ZNF536: variants seen among roughly 807,000 people sequenced by gnomAD.
The protein encoded by ZNF536 is zinc finger protein 536.
Under a neutral mutation model 84.5 loss-of-function variants are expected in ZNF536, and 13 were observed. That is an observed-to-expected ratio of 0.15 (90% CI 0.10 to 0.24). The LOEUF (loss-of-function observed/expected upper bound fraction) is 0.24, where lower values mean the gene tolerates loss of function less well. ZNF536 is among the 10% of genes least tolerant of loss of function. The pLI is 1.00. For missense variants in ZNF536, 1,536 were observed against 1,747.5 expected (o/e 0.88, Z 2.16); for synonymous variants, 811 against 742.5 (o/e 1.09, Z -1.50).
intron 2 of ZNF536, among the ~76,000 whole-genome samples, chr19:30,462,952 C>A (rs1241515635): frequency 2.7e-5 from 2 of 73,762 alleles, no homozygotes; most frequent in Non-Finnish European, 5.4e-5. Flanking sequence ...CTGGGATGGG[C>A]GTATCCGTAT....
intron 2 of ZNF536, among the ~76,000 whole-genome samples, chr19:30,494,645 A>G (rs2145175705): frequency 6.6e-6 from 1 of 152,146 alleles, no homozygotes; most frequent in African/African-American, 2.4e-5. Context: ...CTCCAAATTA[A>G]TGTCCGGGGC....
chr19:30,227,323 A>G (rs1237889830), upstream of ZNF536, among the ~76,000 whole-genome samples: 1 of 151,900 alleles, frequency 6.6e-6, no homozygotes, highest in Non-Finnish European at 1.5e-5. Context: ...GTTGGAGAAC[A>G]TGTCCACCGT....
chr19:30,518,886 G>C (rs946669185), intron 2 of ZNF536, among the ~76,000 whole-genome samples: 2 of 152,168 alleles, frequency 1.3e-5, no homozygotes, highest in Non-Finnish European at 2.9e-5. Context: ...GGATGGGGGA[G>C]CTATGGGAGA....
At chr19:30,551,023 C>T (rs1336700875) in intron 4 of ZNF536, among the ~76,000 whole-genome samples, 5 of 145,868 alleles carry the variant, frequency 3.4e-5, no homozygotes, top group South Asian at 2.2e-4. Flanking sequence ...ATTTTTTCCC[C>T]TTTTTTTTTT....
At chr19:30,455,803 A>T (rs1255614697) in intron 2 of ZNF536, among the ~76,000 whole-genome samples, 1 of 152,202 alleles carries the variant, frequency 6.6e-6, no homozygotes, top group Non-Finnish European at 1.5e-5. Flanking sequence ...CACCCTACTG[A>T]TCTATCAAAC....
chr19:30,233,305 G>A (rs1599822043), intron 1 of ZNF536, among the ~76,000 whole-genome samples: 1 of 152,136 alleles, frequency 6.6e-6, no homozygotes, highest in African/African-American at 2.4e-5. Flanking sequence ...TGAGTGAGTT[G>A]AGGCTGGGCA....
intron 1 of ZNF536, among the ~76,000 whole-genome samples, chr19:30,245,797 G>A (rs1012262896): frequency 3.3e-5 from 5 of 152,328 alleles, no homozygotes; most frequent in South Asian, 2.1e-4. Flanking sequence ...TTTTGGCCTC[G>A]GGGGCCTTTT....
At position 30,623,472 on chromosome 19, in the gene ZNF536, G is replaced by A. The variant is rs559837619; in HGVS notation, c.169+73958G>A. ...GCTTGCCACTATGCCCTGGCTTTGA[G>A]TCTTGCTATCTCTTGGCTCTCTGCC... On this transcript the variant is annotated intron_variant, in intron 1 of 1. Transcript: ENST00000592773. 1.8e-4 allele frequency among the ~76,000 whole-genome samples: 28 copies of A among 152,370 alleles called. No homozygotes were observed. In the South Asian group the frequency reaches 5.8e-3, roughly 32 times the overall value.
chr19:30,500,675 A>G (rs2054912774), intron 2 of ZNF536, among the ~76,000 whole-genome samples: 1 of 151,094 alleles, frequency 6.6e-6, no homozygotes, highest in Non-Finnish European at 1.5e-5. Flanking sequence ...TCTCAGCAGG[A>G]GGCTGTGGGA....
At chr19:30,626,074 C>G (rs927009594) in intron 1 of ZNF536, among the ~76,000 whole-genome samples, 24 of 152,170 alleles carry the variant, frequency 1.6e-4, no homozygotes, top group African/African-American at 4.3e-4. Flanking sequence ...GCATTTGGTT[C>G]CAAAAAATGC....
chr19:30,430,488 G>T (rs796413208), intron 1 of ZNF536, among the ~76,000 whole-genome samples: 1 of 152,184 alleles, frequency 6.6e-6, no homozygotes, highest in African/African-American at 2.4e-5. Flanking sequence ...ACTGTTCGGG[G>T]TGAGGCCAAG....
intron 1 of ZNF536, among the ~76,000 whole-genome samples, chr19:30,273,580 G>A (rs1425527451): frequency 6.6e-6 from 1 of 152,092 alleles, no homozygotes; most frequent in Non-Finnish European, 1.5e-5. Flanking sequence ...TTTTTAAATT[G>A]GGCTGTTTAT....
At chr19:30,490,797 G>A (rs2054477961) in intron 2 of ZNF536, among the ~76,000 whole-genome samples, 1 of 152,186 alleles carries the variant, frequency 6.6e-6, no homozygotes, top group Non-Finnish European at 1.5e-5. Context: ...AAGAAAAGAT[G>A]GGCTTTTAAA....
chr19:30,245,120 G>C (rs1408742816), intron 1 of ZNF536, among the ~76,000 whole-genome samples: 1 of 152,128 alleles, frequency 6.6e-6, no homozygotes, highest in African/African-American at 2.4e-5. Flanking sequence ...CATCCCACTT[G>C]AGGGCCATAG....
At chr19:30,252,599 G>A (rs1451541356) in intron 1 of ZNF536, among the ~76,000 whole-genome samples, 1 of 152,116 alleles carries the variant, frequency 6.6e-6, no homozygotes, top group Admixed American at 6.5e-5. Flanking sequence ...ATTTTTTTGA[G>A]TGAGTGGATA....
chr19:30,699,301 G>A (rs2051794089), intron 1 of ZNF536, among the ~76,000 whole-genome samples: 1 of 152,104 alleles, frequency 6.6e-6, no homozygotes, highest in Non-Finnish European at 1.5e-5. Context: ...ATATATGCTT[G>A]TGTACTAACT....
chr19:30,445,717 T>G lies in ZNF536; in HGVS notation c.2155T>G (p.Ser719Ala). Reference protein sequence around the residue: ...SAQEDSPHPSSPSSSDIGEEA... With the variant: ...SAQEDSPHPSAPSSSDIGEEA... ...CCAGGAGGACAGCCCGCACCCCTCCTCGCCATCCTCCTCAGGTAGGTTAGC... is the reference window on the plus strand; with the variant it reads ...CCAGGAGGACAGCCCGCACCCCTCCGCGCCATCCTCCTCAGGTAGGTTAGC... Residue 719 changes from serine to alanine, a missense_variant, in exon 2 of 5, where the codon TCG (serine) becomes GCG (alanine). Coordinates refer to ENST00000355537, the MANE Select transcript of ZNF536 (RefSeq NM_014717.3). This position sits in a 1 kb window ranked among gnomAD's most constrained non-coding sequence, Gnocchi z 4.5. 1.3e-6 allele frequency: 2 copies of G among 1,563,752 alleles called. No homozygotes were observed. Among genetic ancestry groups the G allele is most frequent in the Non-Finnish European group, 1.7e-6 (2 of 1,153,812 alleles).
chr19:30,388,360 G>C (rs2049433324), intron 1 of ZNF536, among the ~76,000 whole-genome samples: 1 of 152,214 alleles, frequency 6.6e-6, no homozygotes, highest in Admixed American at 6.5e-5. Context: ...ACTCGGTGGG[G>C]TTAGGCAGGG....
chr19:30,401,229 C>T (rs1461484821), intron 1 of ZNF536, among the ~76,000 whole-genome samples: 1 of 152,138 alleles, frequency 6.6e-6, no homozygotes, highest in Non-Finnish European at 1.5e-5. Flanking sequence ...ATTGATCTAT[C>T]TATTTTTTTT....
Sources: allele counts gnomAD v4.1 joint callset (sites outside exome capture counted in the v4.1 genomes callset), GRCh38; gene constraint gnomAD v4.1.1; non-coding constraint Gnocchi (gnomAD v3.1); transcripts MANE v1.5; gene names NCBI Gene and HGNC (gene_info 2026-07-23, HGNC 2026-07-21).